DNAH11: variants seen among roughly 807,000 people sequenced by gnomAD.
The protein encoded by DNAH11 is axonemal beta dynein heavy chain 11.
In DNAH11, 442 loss-of-function variants were observed where a neutral mutation model predicts 526.0. That is an observed-to-expected ratio of 0.84 (90% CI 0.78 to 0.91). The LOEUF (loss-of-function observed/expected upper bound fraction) is 0.91, where lower values mean the gene tolerates loss of function less well. DNAH11 is among the 40% of genes least tolerant of loss of function. The probability of loss-of-function intolerance (pLI) is 0.00; values close to 1 mark genes in which losing one functional copy is unlikely to be tolerated. For synonymous variants in DNAH11, 2,461 were observed against 1,935.9 expected, an observed-to-expected ratio of 1.27 and a Z score of -7.12; for missense variants, 6,989 against 5,448.7, an observed-to-expected ratio of 1.28 and a Z score of -8.90.
chr7:21,884,865 C>T (rs1207133289), intron 76 of DNAH11, among the ~76,000 whole-genome samples: 2 of 151,974 alleles, frequency 1.3e-5, no homozygotes, highest in East Asian at 1.9e-4. Context: ...TTCTTTTCTG[C>T]CTGTCATGGA....
chr7:21,687,827 A>G (rs1489204791), intron 34 of DNAH11, among the ~76,000 whole-genome samples: 1 of 152,122 alleles, frequency 6.6e-6, no homozygotes, highest in East Asian at 1.9e-4. Context: ...GTTTGAGGCG[A>G]GAGGATTGTT....
intron 49 of DNAH11, among the ~76,000 whole-genome samples, chr7:21,742,486 C>G (rs111525695): frequency 1.4e-3 from 204 of 150,330 alleles, no homozygotes; most frequent in African/African-American, 4.8e-3. Flanking sequence ...CTTGCATGAA[C>G]TAACTGAGTG....
chr7:21,624,032 C>G (rs896329174), intron 25 of DNAH11, among the ~76,000 whole-genome samples: 2 of 151,438 alleles, frequency 1.3e-5, no homozygotes, highest in African/African-American at 4.8e-5. Flanking sequence ...ATCACTAACT[C>G]ACTAATGAGG....
chr7:21,719,038 A>G (rs1418624694), intron 43 of DNAH11, among the ~76,000 whole-genome samples: 3 of 152,256 alleles, frequency 2.0e-5, no homozygotes, highest in African/African-American at 7.2e-5. Flanking sequence ...TTCTTTCTCA[A>G]GTTCACTTGT....
chr7:21,867,334 T>G (rs1218499728), intron 71 of DNAH11, among the ~76,000 whole-genome samples: 1 of 152,236 alleles, frequency 6.6e-6, no homozygotes, highest in African/African-American at 2.4e-5. Flanking sequence ...AATTTTCCCT[T>G]TGCAGAAACC....
chr7:21,593,091 G>A (rs77027079), intron 14 of DNAH11, among the ~76,000 whole-genome samples: 32 of 152,274 alleles, frequency 2.1e-4, no homozygotes, highest in African/African-American at 7.7e-4. Flanking sequence ...TAGAAAAGAG[G>A]CCCAAAAACT....
At chr7:21,848,752 C>T (rs1052592218) in intron 66 of DNAH11, among the ~76,000 whole-genome samples, 5 of 151,894 alleles carry the variant, frequency 3.3e-5, no homozygotes, top group Non-Finnish European at 5.9e-5. Context: ...TTATATGATT[C>T]TAGTATCTCT....
chr7:21,550,843 G>A (rs138662126), intron 2 of DNAH11, among the ~76,000 whole-genome samples: 46 of 152,260 alleles, frequency 3.0e-4, no homozygotes, highest in East Asian at 2.7e-3. Context: ...GGTGATTTAC[G>A]ATTATCAGTA....
chr7:21,693,298 G>A (rs1020333359), intron 35 of DNAH11, among the ~76,000 whole-genome samples: 4 of 152,068 alleles, frequency 2.6e-5, no homozygotes, highest in African/African-American at 9.7e-5. Context: ...ACAGTCCTTC[G>A]GTGTTGCATT....
At chr7:21,605,278 A>G (rs549322628) in intron 18 of DNAH11, among the ~76,000 whole-genome samples, 56 of 152,344 alleles carry the variant, frequency 3.7e-4, no homozygotes, top group African/African-American at 1.1e-3. Flanking sequence ...TTCAGCTACA[A>G]GTAGAGTTCC....
intron 69 of DNAH11, among the ~76,000 whole-genome samples, chr7:21,864,045 C>T (rs752361909): frequency 1.3e-4 from 20 of 152,224 alleles, no homozygotes; most frequent in Non-Finnish European, 2.4e-4. Context: ...TTTAGTTATA[C>T]CTATAAAAGG....
intron 2 of DNAH11, among the ~76,000 whole-genome samples, chr7:21,558,057 G>A (rs1336620471): frequency 6.6e-6 from 1 of 152,152 alleles, no homozygotes; most frequent in East Asian, 1.9e-4. Flanking sequence ...TAAAAAGGTA[G>A]AATAAACATT....
chr7:21,716,623 C>T lies in DNAH11; in HGVS notation c.6984-1152C>T, dbSNP rs867161722. On this transcript the variant is annotated intron_variant, in intron 42 of 81. Transcript: ENST00000409508. ...ACAAAGATTCCACTTTCCACTCTGG[C>T]AGCTGATATGGGGTAAAATCAGTAG... Among the ~76,000 whole-genome samples the T allele has an allele frequency of 3.3e-5, 5 of 152,182 alleles. No homozygotes were observed. In the South Asian group the frequency reaches 1.0e-3, roughly 32 times the overall value.
At chr7:21,834,207 T>C (rs1332391877) in intron 65 of DNAH11, among the ~76,000 whole-genome samples, 1 of 152,160 alleles carries the variant, frequency 6.6e-6, no homozygotes, top group Non-Finnish European at 1.5e-5. Context: ...GGAGAAACTT[T>C]GGAAACTATA....
chr7:21,597,778 A>G (rs571410396), intron 14 of DNAH11, among the ~76,000 whole-genome samples: 3 of 152,300 alleles, frequency 2.0e-5, no homozygotes, highest in East Asian at 3.9e-4. Flanking sequence ...AACCGTATTA[A>G]TATCTTTAAG....
rs575139970 is a variant in DNAH11 at position 21,704,534 on chromosome 7, A to G, written c.6374A>G (p.Asp2125Gly). The change falls in exon 38 of 82, where the codon GAT (aspartate) becomes GGT (glycine). Residue 2125 changes from aspartate to glycine, a missense_variant. Physicochemically the swap from Asp to Gly is moderately conservative, Grantham distance 94. Coordinates refer to ENST00000409508, the MANE Select transcript of DNAH11 (RefSeq NM_001277115.2). ...GTCGGTGACCTGTTTCCAGCCCTGGATGTGCCCCGGAGGAGGAAGCTGCAC... is the reference window on the plus strand; with the variant it reads ...GTCGGTGACCTGTTTCCAGCCCTGGGTGTGCCCCGGAGGAGGAAGCTGCAC... ...GLVGDLFPAL[D>G]VPRRRKLHFE... is the part of the protein sequence containing the mutation. 5 of 1,613,818 alleles carry G rather than the reference A, an allele frequency of 3.1e-6. No homozygotes were observed. The highest frequency in any genetic ancestry group is 4.5e-5 in the East Asian group (2 of 44,878).
chr7:21,896,223 T>G (rs1784510450), intron 79 of DNAH11, among the ~76,000 whole-genome samples: 1 of 152,232 alleles, frequency 6.6e-6, no homozygotes, highest in African/African-American at 2.4e-5. Context: ...TTTTTTTGTA[T>G]CTTGTTCTGG....
chr7:21,561,067 T>G lies in DNAH11; in HGVS notation c.883-4T>G, dbSNP rs781560218. Reference sequence around the variant, plus strand: ...AAAGTTCTTCTTTTTTTCCTTTAACTTAGCTTCAGGCACCTGTTGTCCTCA... The same window carrying G: ...AAAGTTCTTCTTTTTTTCCTTTAACGTAGCTTCAGGCACCTGTTGTCCTCA... On this transcript the variant is annotated splice_polypyrimidine_tract_variant and splice_region_variant and intron_variant, in intron 4 of 81. Transcript: ENST00000409508. The G allele has an allele frequency of 1.3e-6, 2 of 1,584,458 alleles. No individual in the cohort carries two copies. Among genetic ancestry groups the G allele is most frequent in the Admixed American group, 1.8e-5 (1 of 56,176 alleles).
At chr7:21,613,678 G>A (rs539354371) in intron 20 of DNAH11, among the ~76,000 whole-genome samples, 1 of 152,154 alleles carries the variant, frequency 6.6e-6, no homozygotes, top group Non-Finnish European at 1.5e-5. Flanking sequence ...TAGATTTTAA[G>A]TGTTCTCACC....
Sources: gnomAD v4.1 joint callset for allele counts (sites outside exome capture counted in the v4.1 genomes callset) on GRCh38, gnomAD v4.1.1 for gene constraint, MANE v1.5 for transcripts, NCBI Gene and HGNC (gene_info 2026-07-23, HGNC 2026-07-21) for gene names.